The following CCDC66 variants were observed in gnomAD, a reference collection of about 807,000 sequenced individuals.
CCDC66 encodes the protein coiled-coil domain-containing protein 66.
Under a neutral mutation model 128.3 loss-of-function variants are expected in CCDC66, and 133 were observed. That is an observed-to-expected ratio of 1.04 (90% CI 0.90 to 1.20). CCDC66 has a LOEUF of 1.20. Ranked by LOEUF, CCDC66 falls within the 50% of genes most tolerant of loss-of-function variation. The pLI is 0.00. For synonymous variants in CCDC66, 387 were observed against 357.0 expected, an observed-to-expected ratio of 1.08 and a Z score of -0.95; for missense variants, 1,126 against 1,075.5, an observed-to-expected ratio of 1.05 and a Z score of -0.66.
chr3:56,592,922 T>A (rs752243518), intron 7 of CCDC66, 48 bp from the exon 8 acceptor site: 2 of 1,586,968 alleles, frequency 1.3e-6, no homozygotes, highest in Non-Finnish European at 1.7e-6. Flanking sequence ...ATTAAGTGAT[T>A]AGAAAAAGAG....
intron 10 of CCDC66, among the ~76,000 whole-genome samples, chr3:56,594,682 C>CAA (rs71621827): frequency 8.4e-5 from 11 of 131,644 alleles, no homozygotes; most frequent in Non-Finnish European, 1.1e-4. Flanking sequence ...GACTCCATCT[C>CAA]AAAAAAAAAA....
intron 7 of CCDC66, among the ~76,000 whole-genome samples, chr3:56,592,162 A>G (rs898355567): frequency 2.6e-5 from 4 of 152,182 alleles, no homozygotes; most frequent in Non-Finnish European, 5.9e-5. Flanking sequence ...AGTAGCAGAA[A>G]CCTAGAAGAC....
Position 56,593,932 on chromosome 3 carries a change from G to A in CCDC66, c.1320-12G>A, listed in dbSNP as rs1165839179. On this transcript the variant is annotated splice_polypyrimidine_tract_variant and intron_variant, in intron 9 of 17. Transcript: ENST00000394672. Reference sequence around the variant, plus strand: ...TTGAGGTTTTGAATAGCTAATGTATGTATCTTGCCAGCTTTCTCCGTTCTA... The same window carrying A: ...TTGAGGTTTTGAATAGCTAATGTATATATCTTGCCAGCTTTCTCCGTTCTA... 9 of 1,613,630 alleles carry A rather than the reference G, an allele frequency of 5.6e-6. No homozygotes were observed. Among genetic ancestry groups the A allele is most frequent in the Admixed American group, 3.3e-5 (2 of 60,002 alleles).
intron 10 of CCDC66, among the ~76,000 whole-genome samples, chr3:56,595,159 T>C (rs1026058854): frequency 2.6e-5 from 4 of 152,236 alleles, no homozygotes; most frequent in Non-Finnish European, 4.4e-5. Flanking sequence ...ATACATATGA[T>C]ATTTTGTTAT....
Position 56,615,191 on chromosome 3 carries a change from CAG to C in CCDC66, c.1634_1635del (p.Arg545ThrfsTer16), listed in dbSNP as rs1559766553. 6.2e-7 allele frequency: 1 copy of C among 1,613,898 alleles called. No individual in the cohort carries two copies. Among genetic ancestry groups the C allele is most frequent in the South Asian group, 1.1e-5 (1 of 91,058 alleles). On this transcript the variant is annotated frameshift_variant, in exon 12 of 18. Transcript: ENST00000394672. LOFTEE classifies it high-confidence loss of function. Reference sequence around the variant, plus strand: ...AATGCAGCGAGCACAGGAACTGGCACAGAGACTAAAACAAGAACAAAGAATCC... The same window carrying C: ...AATGCAGCGAGCACAGGAACTGGCACAGACTAAAACAAGAACAAAGAATCC... ...QTMQRAQELA[Q>X]RLKQEQRIRE...
chr3:56,573,939 A>C (rs560230234), intron 7 of CCDC66, among the ~76,000 whole-genome samples: 42 of 151,772 alleles, frequency 2.8e-4, no homozygotes, highest in African/African-American at 1.0e-3. Flanking sequence ...TTATTTAAAA[A>C]ATTTTTGGAA....
chr3:56,585,118 GGGGA>G (rs1559675211), intron 7 of CCDC66, among the ~76,000 whole-genome samples: 1 of 118,222 alleles, frequency 8.5e-6, no homozygotes, highest in African/African-American at 2.6e-5. Context: ...GGAGGGGGAG[GGGGA>G]GAGGGAGAGG....
At chr3:56,617,006 GAA>G in intron 13 of CCDC66, 104 bp from the exon 14 acceptor site, 1 of 929,572 alleles carries the variant, frequency 1.1e-6, no homozygotes, top group Admixed American at 3.2e-5. Context: ...ATTAATGAAA[GAA>G]AAAAGTCTTA....
chr3:56,581,045 A>C (rs574094708), intron 7 of CCDC66, among the ~76,000 whole-genome samples: 1 of 151,860 alleles, frequency 6.6e-6, no homozygotes, highest in African/African-American at 2.4e-5. Context: ...TTTCAGGTAC[A>C]CGAGATGTAG....
chr3:56,617,091 T>C (rs781723387), intron 13 of CCDC66, 21 bp from the exon 14 acceptor site: 3 of 1,496,294 alleles, frequency 2.0e-6, no homozygotes, highest in East Asian at 2.3e-5. Context: ...TTTTTAAAAA[T>C]CATTTGCAAC....
At chr3:56,599,795 C>T (rs980227897) in intron 10 of CCDC66, among the ~76,000 whole-genome samples, 1 of 151,978 alleles carries the variant, frequency 6.6e-6, no homozygotes, top group Non-Finnish European at 1.5e-5. Flanking sequence ...GTTTTGTGTC[C>T]TAACATATGA....
rs2065971513 is a variant in CCDC66 at position 56,567,205 on chromosome 3, C to T, written c.814+152C>T. 3.8e-5 allele frequency: 21 copies of T among 557,906 alleles called. No homozygotes were observed. The South Asian group carries it at 4.5e-4, about 12-fold the overall frequency. The allele number at this position is 557,906 out of a possible 1,614,324, so 34.6% of individuals were successfully genotyped here. A position where few individuals can be genotyped will look rare whatever the true frequency, so the allele number is the denominator to read the frequency against. On this transcript the variant is annotated intron_variant, in intron 6 of 17. Transcript: ENST00000394672. ...AAGAGATCAAGACCATCCTGGCCAA[C>T]ATGGTGAAATCCCATCTCTACTAAA...
chr3:56,582,848 C>CTTT lies in CCDC66; in HGVS notation c.937-10121_937-10119dup, dbSNP rs200098666. On this transcript the variant is annotated intron_variant, in intron 7 of 17. Coordinates refer to ENST00000394672, the MANE Select transcript of CCDC66 (RefSeq NM_001141947.3). The stretch of plus-strand genomic sequence containing the variant: ...TTCCCTTTTTTGACTTCTCAACTTT[C>CTTT]TTTATTATTATTATTATTATTATTA... Among the ~76,000 whole-genome samples the CTTT allele has an allele frequency of 6.2e-3, 829 of 132,786 alleles. 8 individuals are homozygous for CTTT. Among genetic ancestry groups the CTTT allele is most frequent in the African/African-American group, 6.0e-3 (218 of 36,126 alleles). The allele number at this position is 132,786 out of a possible 152,430, so 87.1% of individuals were successfully genotyped here.
Position 56,593,600 on chromosome 3 carries a change from G to T in CCDC66, c.1178G>T (p.Cys393Phe). The T allele has an allele frequency of 4.3e-6, 7 of 1,614,168 alleles. No individual in the cohort carries two copies. The highest frequency in any genetic ancestry group is 5.9e-6 in the Non-Finnish European group (7 of 1,180,028). ...ACACACAAACAACCTGAGTACTTCT[G>T]TGTCTCTCCTGACACTCAGGAGCTG... is the stretch of plus-strand genomic sequence containing the variant. The part of the protein sequence containing the change: ...QSTHKQPEYF[C>F]VSPDTQELAD... Residue 393 changes from cysteine to phenylalanine, a missense_variant, in exon 9 of 18, where the codon TGT (cysteine) becomes TTT (phenylalanine). By Grantham distance (205) the Cys-to-Phe change is radical. Coordinates refer to ENST00000394672, the MANE Select transcript of CCDC66 (RefSeq NM_001141947.3).
intron 10 of CCDC66, among the ~76,000 whole-genome samples, chr3:56,595,563 G>A (rs1185415486): frequency 6.6e-6 from 1 of 152,168 alleles, no homozygotes; most frequent in Non-Finnish European, 1.5e-5. Context: ...CTGTGTTGCT[G>A]TAAATGACAA....
chr3:56,565,820 C>T (rs2065762569), intron 4 of CCDC66, among the ~76,000 whole-genome samples: 1 of 150,794 alleles, frequency 6.6e-6, no homozygotes, highest in East Asian at 2.0e-4. Flanking sequence ...GCGCCCGCCA[C>T]CACGCCCGGC....
chr3:56,602,742 A>G (rs2073397280), intron 10 of CCDC66, among the ~76,000 whole-genome samples: 1 of 151,292 alleles, frequency 6.6e-6, no homozygotes. Flanking sequence ...CATTTCTTCT[A>G]GATTTTCTAG....
chr3:56,592,315 G>A (rs948104078), intron 7 of CCDC66, among the ~76,000 whole-genome samples: 1 of 152,110 alleles, frequency 6.6e-6, no homozygotes, highest in African/African-American at 2.4e-5. Context: ...ATATTCATCT[G>A]TTTTAAATTA....
chr3:56,568,898 G>C (rs547187869), intron 6 of CCDC66, among the ~76,000 whole-genome samples: 2 of 152,170 alleles, frequency 1.3e-5, no homozygotes, highest in African/African-American at 4.8e-5. Context: ...TGGAGTCTGC[G>C]TATCACAATC....
Sources: allele counts gnomAD v4.1 joint callset (sites outside exome capture counted in the v4.1 genomes callset), GRCh38; gene constraint gnomAD v4.1.1; transcripts MANE v1.5; gene names NCBI Gene and HGNC (gene_info 2026-07-23, HGNC 2026-07-21).